The following ZNF44 variants were observed in gnomAD, a reference collection of about 807,000 sequenced individuals.
ZNF44 encodes the protein gonadotropin inducible transcription repressor-2.
ZNF44 carries 9 observed loss-of-function variants against 11.7 expected under a neutral mutation model. That is an observed-to-expected ratio of 0.77 (90% CI 0.46 to 1.35). The LOEUF (loss-of-function observed/expected upper bound fraction) is 1.35. ZNF44 is among the 40% of genes most tolerant of loss of function. The pLI is 0.00. For missense variants in ZNF44, 696 were observed against 743.1 expected, an observed-to-expected ratio of 0.94 and a Z score of 0.74; for synonymous variants, 224 against 242.7, an observed-to-expected ratio of 0.92 and a Z score of 0.72.
At chr19:12,269,339 A>G (rs1966888203), downstream of ZNF44, among the ~76,000 whole-genome samples, 1 of 152,086 alleles carries the variant, frequency 6.6e-6, no homozygotes, top group African/African-American at 2.4e-5. Flanking sequence ...CCTGGCTAAC[A>G]CGGTGAAACC....
At chr19:12,225,215 C>T (rs555985195), downstream of ZNF44, 16 of 152,164 alleles carry the variant, frequency 1.1e-4, no homozygotes, top group Non-Finnish European at 1.5e-4. Context: ...GGAGCAGTGC[C>T]GTCTGTAGAT....
chr19:12,244,675 TAAAA>T (rs1916720750), downstream of ZNF44: 1 of 152,570 alleles, frequency 6.6e-6, no homozygotes, highest in Non-Finnish European at 1.5e-5. Flanking sequence ...TCCGATAACC[TAAAA>T]GAAAACAGAC....
At chr19:12,252,012 T>C (rs1471687128) in intron 5 of ZNF44, among the ~76,000 whole-genome samples, 1 of 151,000 alleles carries the variant, frequency 6.6e-6, no homozygotes, top group South Asian at 2.1e-4. Flanking sequence ...GATCGCACCA[T>C]TGCACTCCAG....
At chr19:12,284,264 A>T (rs1967618938) in intron 1 of ZNF44, 1 of 407,132 alleles carries the variant, frequency 2.5e-6, no homozygotes. Context: ...ATATGGAGAT[A>T]ATACATAATC....
intron 1 of ZNF44, among the ~76,000 whole-genome samples, chr19:12,235,503 C>T (rs979467684): frequency 1.3e-5 from 2 of 152,154 alleles, no homozygotes; most frequent in African/African-American, 4.8e-5. Flanking sequence ...TAGATAGATA[C>T]ATTACAAAGG....
At chr19:12,226,125 A>T (rs976692438), downstream of ZNF44, 1 of 152,338 alleles carries the variant, frequency 6.6e-6, no homozygotes, top group East Asian at 1.9e-4. Context: ...GATTTTCTTT[A>T]TTATACTTGG....
intron 3 of ZNF44, among the ~76,000 whole-genome samples, chr19:12,229,037 A>C (rs1916042740): frequency 6.6e-6 from 1 of 152,226 alleles, no homozygotes; most frequent in Non-Finnish European, 1.5e-5. Flanking sequence ...GATTAAAGTC[A>C]TGTGAACTGA....
intron 1 of ZNF44, among the ~76,000 whole-genome samples, chr19:12,235,223 G>T (rs1281224749): frequency 6.6e-6 from 1 of 152,112 alleles, no homozygotes; most frequent in Non-Finnish European, 1.5e-5. Flanking sequence ...CAAAAAATTA[G>T]CCGGGCGTGG....
chr19:12,225,592 A>C (rs1915881455), downstream of ZNF44, among the ~76,000 whole-genome samples: 1 of 152,210 alleles, frequency 6.6e-6, no homozygotes, highest in Non-Finnish European at 1.5e-5. Flanking sequence ...TAATTAAGCG[A>C]AATGCTATGG....
At chr19:12,247,122 T>C (rs953690929), downstream of ZNF44, among the ~76,000 whole-genome samples, 1 of 152,152 alleles carries the variant, frequency 6.6e-6, no homozygotes, top group Non-Finnish European at 1.5e-5. Flanking sequence ...TATTTTTTCA[T>C]GGCATGAATT....
rs1315836236 is a variant in ZNF44, at chr19:12,289,526, T to C, written c.3+5166A>G. ...TGCCCTCTCCCTCTCATTTCCTTTG[T>C]AATGTTGGTTGCTCTTCACCTTGAA... On this transcript the variant is annotated intron_variant, in intron 1 of 3. Coordinates refer to ENST00000355684, the MANE Select transcript of ZNF44 (RefSeq NM_016264.4). Among the ~76,000 whole-genome samples the C allele has an allele frequency of 2.0e-5, 3 of 152,218 alleles. No homozygotes were observed. In the East Asian group the frequency reaches 5.8e-4, roughly 29 times the overall value.
At chr19:12,288,774 G>GTATATATATATATATATATATATATATA (rs55971577) in intron 1 of ZNF44, among the ~76,000 whole-genome samples, 29 of 76,800 alleles carry the variant, frequency 3.8e-4, no homozygotes, top group African/African-American at 6.3e-4. Flanking sequence ...AAAAAAAAAT[G>GTATATATATATATATATATATATATATA]TATATATATA....
intron 3 of ZNF44, among the ~76,000 whole-genome samples, chr19:12,229,464 A>AAGAGTGGC (rs1267474696): frequency 6.6e-6 from 1 of 152,206 alleles, no homozygotes; most frequent in African/African-American, 2.4e-5. Context: ...TACATGCACC[A>AAGAGTGGC]AGAGTGGCAA....
At chr19:12,248,251 G>T in exon 8 of ZNF44, 1 of 1,297,932 alleles carries the variant, frequency 7.7e-7, no homozygotes, top group South Asian at 1.2e-5. Flanking sequence ...TGGTGGTATC[G>T]GAATGCTTTT....
exon 8 of ZNF44, chr19:12,248,448 T>C (rs1339889055): frequency 2.3e-5 from 30 of 1,290,944 alleles, no homozygotes; most frequent in Non-Finnish European, 3.0e-5. Flanking sequence ...CTTACATTTA[T>C]ATGGCTTCTC....
chr19:12,245,817 A>G (rs1916754445), downstream of ZNF44, among the ~76,000 whole-genome samples: 1 of 152,120 alleles, frequency 6.6e-6, no homozygotes, highest in Non-Finnish European at 1.5e-5. Flanking sequence ...GAATTCACCA[A>G]TAGCCTAATG....
Position 12,272,793 on chromosome 19 carries a change from A to G in ZNF44, c.1462T>C (p.Phe488Leu). 1 of 1,613,574 alleles carries G rather than the reference A, an allele frequency of 6.2e-7. No individual in the cohort carries two copies. Reference protein sequence around the residue: ...CKECGKAFSSFKYFCRHERTH... With the variant: ...CKECGKAFSSLKYFCRHERTH... ...CTTTCATGGCGACAAAAGTATTTAAAAGAACTAAATGCTTTCCCACACTCC... is the reference window on the plus strand; with the variant it reads ...CTTTCATGGCGACAAAAGTATTTAAGAGAACTAAATGCTTTCCCACACTCC... Residue 488 changes from phenylalanine to leucine, a missense_variant, in exon 4 of 4, where the codon TTT becomes CTT. Coordinates refer to ENST00000355684, the MANE Select transcript of ZNF44 (RefSeq NM_016264.4).
chr19:12,294,064 G>A (rs1968131410), intron 1 of ZNF44, among the ~76,000 whole-genome samples: 1 of 152,242 alleles, frequency 6.6e-6, no homozygotes, highest in East Asian at 1.9e-4. Context: ...TTGGCCTGGG[G>A]ATAAGATCTC....
At chr19:12,276,267 G>A in intron 1 of ZNF44, 185 bp from the exon 2 acceptor site, 1 of 933,480 alleles carries the variant, frequency 1.1e-6, no homozygotes, top group Non-Finnish European at 1.6e-6. Context: ...CTGGAATTGG[G>A]CTTGCTAAAA....
Sources: gnomAD v4.1 joint callset for allele counts (sites outside exome capture counted in the v4.1 genomes callset) on GRCh38, gnomAD v4.1.1 for gene constraint, MANE v1.5 for transcripts, NCBI Gene and HGNC (gene_info 2026-07-23, HGNC 2026-07-21) for gene names.